Variants in TTC39A observed in about 807,000 individuals in gnomAD.
The protein encoded by TTC39A is tetratricopeptide repeat domain 39A, also known as tetratricopeptide repeat protein 39A.
In TTC39A, 46 loss-of-function variants were observed where a neutral mutation model predicts 82.3. The observed-to-expected ratio is 0.56, with a 90% CI of 0.44 to 0.71. TTC39A has a LOEUF of 0.71. Ranked by LOEUF, TTC39A falls within the 30% of genes least tolerant of loss-of-function variation. TTC39A has a pLI of 0.00. For missense variants in TTC39A, 543 were observed against 712.9 expected (o/e 0.76, Z 2.71); for synonymous variants, 254 against 275.2 (o/e 0.92, Z 0.76).
intron 2 of TTC39A, among the ~76,000 whole-genome samples, chr1:51,315,508 GGC>G (rs1645250286): frequency 1.3e-5 from 2 of 152,182 alleles, no homozygotes; most frequent in Non-Finnish European, 2.9e-5. Flanking sequence ...GGAAGGCAGA[GGC>G]AGCCCCTTGG....
Position 51,294,497 on chromosome 1 carries a change from AG to A in TTC39A, c.1159del (p.Leu387Ter). 2 of 1,613,978 alleles carry A rather than the reference AG, an allele frequency of 1.2e-6. No homozygotes were observed. Among genetic ancestry groups the A allele is most frequent in the Non-Finnish European group, 1.7e-6 (2 of 1,179,874 alleles). On this transcript the variant is annotated frameshift_variant, in exon 14 of 18. Coordinates refer to ENST00000680483, the MANE Select transcript of TTC39A (RefSeq NM_001297663.2). LOFTEE classifies it high-confidence loss of function. This position sits in a 1 kb window ranked among gnomAD's most constrained non-coding sequence, Gnocchi z 4.3. ...AGATTTCCCAGCAATCTTGAGCTTC[AG>A]GCCTGGCACAGCTCTGCGAAAGAGA... Reference protein sequence around the residue: ...EVELFRAVPGLKLKIAGKSLP... With the variant: ...EVELFRAVPGXKLKIAGKSLP...
intron 2 of TTC39A, among the ~76,000 whole-genome samples, chr1:51,320,867 T>G (rs927026258): frequency 1.3e-5 from 2 of 148,832 alleles, no homozygotes; most frequent in African/African-American, 5.1e-5. Context: ...GTAGATGTTT[T>G]CTGGTTTTTT....
chr1:51,321,774 C>G lies in TTC39A; in HGVS notation c.93G>C (p.Leu31=). 6.2e-7 allele frequency: 1 copy of G among 1,613,934 alleles called. No homozygotes were observed. The change falls in exon 2 of 18, where the codon CTG becomes CTC. Residue 31 remains leucine (L), a synonymous_variant. Coordinates refer to ENST00000680483, the MANE Select transcript of TTC39A (RefSeq NM_001297663.2). The surrounding 1 kb of genome is among the most constrained non-coding windows in gnomAD (Gnocchi z 4.6). ...AGAACTGGTTGGTGAGGAAGAGGTCCAGGGCGGTCATGCACTGGTCCAGGG... is the reference window on the plus strand; with the variant it reads ...AGAACTGGTTGGTGAGGAAGAGGTCGAGGGCGGTCATGCACTGGTCCAGGG... ...HEALDQCMTA[L]DLFLTNQFSE... is the part of the protein sequence containing the mutation.
rs1017492840 is a variant in TTC39A, at chr1:51,325,888, G to A, written c.42-4063C>T. ...CCAGGCCGGATGGACAGTCAGTGCA[G>A]ACAGGCACAGTCCTTCCCTCGGCAG... On this transcript the variant is annotated intron_variant, in intron 1 of 17. Transcript: ENST00000680483. The A allele has an allele frequency of 5.3e-5, 8 of 152,314 alleles. 1 individual carries two copies. The highest frequency in any genetic ancestry group is 1.9e-4 in the African/African-American group (8 of 41,438). The allele number at this position is 152,314 out of a possible 1,614,324, so 9.4% of individuals were successfully genotyped here.
intron 8 of TTC39A, 116 bp downstream of exon 8, chr1:51,304,965 G>C: frequency 9.1e-7 from 1 of 1,097,430 alleles, no homozygotes; most frequent in Admixed American, 1.9e-5. Context: ...CATACAATGA[G>C]AGGGGCTGAG....
At position 51,290,784 on chromosome 1, in the gene TTC39A, T is replaced by C. The variant is rs1010898641; in HGVS notation, c.1267-159A>G. Among the ~76,000 whole-genome samples the C allele has an allele frequency of 2.6e-5, 4 of 152,346 alleles. No homozygotes were observed. The East Asian group carries it at 5.8e-4, about 22-fold the overall frequency. On this transcript the variant is annotated intron_variant, in intron 14 of 17. Transcript: ENST00000680483. ...CAGTCAGCCTGTGAAGCTGTGGGTC[T>C]GAGGGGGTTATGGGAGCCTTATCAT...
intron 2 of TTC39A, among the ~76,000 whole-genome samples, chr1:51,317,593 A>C (rs1441585434): frequency 1.3e-5 from 2 of 152,166 alleles, no homozygotes; most frequent in Non-Finnish European, 2.9e-5. Context: ...TACTAAAAAT[A>C]TAAAAAATTA....
At chr1:51,331,852 G>A (rs969252147), upstream of TTC39A, 1 of 977,372 alleles carries the variant, frequency 1.0e-6, no homozygotes, top group African/African-American at 1.8e-5. Flanking sequence ...GGAAGAGGTG[G>A]TGACAGAACT....
chr1:51,331,900 C>G, upstream of TTC39A: 2 of 838,702 alleles, frequency 2.4e-6, no homozygotes, highest in Non-Finnish European at 2.9e-6. Context: ...AAACTGAAGT[C>G]ATGGAGAGGG....
At chr1:51,324,616 G>A (rs1645644752) in intron 1 of TTC39A, among the ~76,000 whole-genome samples, 1 of 152,072 alleles carries the variant, frequency 6.6e-6, no homozygotes, top group Admixed American at 6.6e-5. Flanking sequence ...CCTCCTCCCA[G>A]GTTCAAGCTA....
At chr1:51,326,306 T>C (rs1335499551) in intron 1 of TTC39A, among the ~76,000 whole-genome samples, 1 of 151,922 alleles carries the variant, frequency 6.6e-6, no homozygotes, top group Non-Finnish European at 1.5e-5. Flanking sequence ...GCCATCAAAC[T>C]GAGAACAAGA....
intron 12 of TTC39A, chr1:51,300,560 T>A (rs1248269872): frequency 6.6e-6 from 1 of 152,266 alleles, no homozygotes; most frequent in East Asian, 1.9e-4. Flanking sequence ...ACACATGTCC[T>A]GTGTATTTAC....
intron 6 of TTC39A, 143 bp downstream of exon 6, chr1:51,309,118 T>G: frequency 1.0e-6 from 1 of 984,294 alleles, no homozygotes; most frequent in Non-Finnish European, 1.4e-6. Flanking sequence ...CCTGAGGGCA[T>G]GGAAATCAGC....
rs774666422 is a variant in TTC39A, at chr1:51,309,241, G to T, written c.488+20C>A. 3 of 1,592,892 alleles carry T rather than the reference G, an allele frequency of 1.9e-6. No individual in the cohort carries two copies. Among genetic ancestry groups the T allele is most frequent in the African/African-American group, 2.7e-5 (2 of 74,526 alleles). The stretch of plus-strand genomic sequence containing the variant: ...TGTGGCCCAGGGTCTCCCCACAAGC[G>T]GATGGCCAGCCCCACTCACTTGTAG... On this transcript the variant is annotated intron_variant, in intron 6 of 17. Transcript: ENST00000680483.
rs1406662645 is a variant in TTC39A at position 51,321,430 on chromosome 1, T to A, written c.146+291A>T. 1.3e-5 allele frequency among the ~76,000 whole-genome samples: 2 copies of A among 152,082 alleles called. No individual in the cohort carries two copies. Among genetic ancestry groups the A allele is most frequent in the African/African-American group, 4.8e-5 (2 of 41,398 alleles). On this transcript the variant is annotated intron_variant, in intron 2 of 17. Coordinates refer to ENST00000680483, the MANE Select transcript of TTC39A (RefSeq NM_001297663.2). This position sits in a 1 kb window ranked among gnomAD's most constrained non-coding sequence, Gnocchi z 4.6. ...TGGGGAAAAATAAACAAAGGAGTCA[T>A]GTGAGAGCTGGTGAGGATGAAACTC...
At chr1:51,334,357 G>C (rs891453983), upstream of TTC39A, among the ~76,000 whole-genome samples, 1 of 152,120 alleles carries the variant, frequency 6.6e-6, no homozygotes, top group Non-Finnish European at 1.5e-5. Flanking sequence ...TACAAAATTA[G>C]CCAGGTGTGG....
At chr1:51,340,241 G>C (rs1468453806) in intron 1 of TTC39A, among the ~76,000 whole-genome samples, 1 of 152,144 alleles carries the variant, frequency 6.6e-6, no homozygotes, top group South Asian at 2.1e-4. Flanking sequence ...GTGCCTCAGC[G>C]ACCATTCCCC....
chr1:51,344,666 G>A (rs544631889), intron 1 of TTC39A, among the ~76,000 whole-genome samples: 1 of 152,348 alleles, frequency 6.6e-6, no homozygotes, highest in Non-Finnish European at 1.5e-5. Context: ...CGCAGACGCC[G>A]CTGCCCAAAC....
Position 51,321,832 on chromosome 1 carries a change from G to T in TTC39A, c.42-7C>A. On this transcript the variant is annotated splice_region_variant and splice_polypyrimidine_tract_variant and intron_variant, in intron 1 of 17. Coordinates refer to ENST00000680483, the MANE Select transcript of TTC39A (RefSeq NM_001297663.2). The surrounding 1 kb of genome is among the most constrained non-coding windows in gnomAD (Gnocchi z 4.6). ...GAGGCTGCTCTCAGGAGTCCTGGGGGAAGAGATGCGGGGCATGACACAGGG... is the reference window on the plus strand; with the variant it reads ...GAGGCTGCTCTCAGGAGTCCTGGGGTAAGAGATGCGGGGCATGACACAGGG... 1 of 1,611,266 alleles carries T rather than the reference G, an allele frequency of 6.2e-7. No individual in the cohort carries two copies. Among genetic ancestry groups the T allele is most frequent in the Non-Finnish European group, 8.5e-7 (1 of 1,178,448 alleles).
Sources: gnomAD v4.1 joint callset for allele counts (sites outside exome capture counted in the v4.1 genomes callset) on GRCh38, gnomAD v4.1.1 for gene constraint, Gnocchi (gnomAD v3.1) non-coding constraint, MANE v1.5 for transcripts, NCBI Gene and HGNC (gene_info 2026-07-23, HGNC 2026-07-21) for gene names.